N4BP2L2: variants seen among roughly 807,000 people sequenced by gnomAD.
N4BP2L2 encodes the protein NEDD4 binding protein 2 like 2.
Under a neutral mutation model 56.2 loss-of-function variants are expected in N4BP2L2, and 50 were observed. The ratio of observed to expected loss-of-function variants is 0.89; its 90% CI spans 0.71 to 1.13. The LOEUF is 1.13. N4BP2L2 is among the 50% of genes most tolerant of loss of function. The probability of loss-of-function intolerance (pLI) is 0.00; values close to 1 mark genes in which losing one functional copy is unlikely to be tolerated. For missense variants in N4BP2L2, 689 were observed against 693.8 expected (o/e 0.99, Z 0.08); for synonymous variants, 203 against 223.6 (o/e 0.91, Z 0.82).
At chr13:32,501,681 G>C (rs573812796) in intron 6 of N4BP2L2, among the ~76,000 whole-genome samples, 7 of 151,982 alleles carry the variant, frequency 4.6e-5, no homozygotes, top group South Asian at 2.1e-4. Context: ...CGGGAGTGGT[G>C]GTGGGCACCC....
downstream of N4BP2L2, chr13:32,508,139 C>T (rs570091147): frequency 2.0e-5 from 3 of 152,006 alleles, no homozygotes; most frequent in Non-Finnish European, 2.9e-5. Context: ...GAATAATGCC[C>T]GTAAATACAG....
At chr13:32,452,063 C>CTTTTTTT (rs755677854) in intron 6 of N4BP2L2, among the ~76,000 whole-genome samples, 1 of 60,684 alleles carries the variant, frequency 1.6e-5, no homozygotes, top group Non-Finnish European at 4.9e-5. Context: ...TTTTCTTTTT[C>CTTTTTTT]TTTTTTTTTT....
At chr13:32,458,404 A>C (rs1407424729) in intron 6 of N4BP2L2, among the ~76,000 whole-genome samples, 1 of 152,280 alleles carries the variant, frequency 6.6e-6, no homozygotes, top group African/African-American at 2.4e-5. Context: ...TGCTGCCTAC[A>C]AGAAACTCAT....
chr13:32,437,653 C>T (rs574534383), intron 8 of N4BP2L2, among the ~76,000 whole-genome samples: 8 of 152,310 alleles, frequency 5.3e-5, no homozygotes, highest in Non-Finnish European at 1.2e-4. Context: ...CAGATCACAA[C>T]AATAGGAAGG....
chr13:32,499,575 A>G (rs1682152880), intron 6 of N4BP2L2, among the ~76,000 whole-genome samples: 1 of 152,184 alleles, frequency 6.6e-6, no homozygotes, highest in South Asian at 2.1e-4. Context: ...TTCAAAGTCA[A>G]TCTCATGAAC....
intron 7 of N4BP2L2, among the ~76,000 whole-genome samples, chr13:32,441,947 G>A (rs1004071232): frequency 6.6e-6 from 1 of 150,826 alleles, no homozygotes; most frequent in Admixed American, 6.6e-5. Context: ...GTGGTGGCGG[G>A]CGCCTGTAGT....
chr13:32,442,063 G>A (rs1487916819), intron 7 of N4BP2L2, among the ~76,000 whole-genome samples: 6 of 152,178 alleles, frequency 3.9e-5, no homozygotes, highest in South Asian at 2.1e-4. Flanking sequence ...GAGACAGAGC[G>A]ATAAATAAAG....
At chr13:32,495,343 G>A (rs1355641412) in intron 6 of N4BP2L2, among the ~76,000 whole-genome samples, 2 of 152,024 alleles carry the variant, frequency 1.3e-5, no homozygotes, top group Non-Finnish European at 2.9e-5. Context: ...TTAAGGACTG[G>A]CACCCTAAAG....
intron 6 of N4BP2L2, among the ~76,000 whole-genome samples, chr13:32,503,958 T>C (rs895256118): frequency 6.6e-6 from 1 of 152,148 alleles, no homozygotes; most frequent in African/African-American, 2.4e-5. Context: ...ATTGCGCCAC[T>C]GCACTCTAGC....
At chr13:32,465,061 G>C (rs897954777) in intron 6 of N4BP2L2, among the ~76,000 whole-genome samples, 3 of 152,014 alleles carry the variant, frequency 2.0e-5, no homozygotes, top group Non-Finnish European at 4.4e-5. Flanking sequence ...CTGCCTTCTG[G>C]TTTCCAGTGA....
chr13:32,479,634 A>G (rs867608947), intron 6 of N4BP2L2, among the ~76,000 whole-genome samples: 7 of 151,474 alleles, frequency 4.6e-5, no homozygotes, highest in Admixed American at 1.3e-4. Context: ...AAAAAAAAAA[A>G]GGATCCCCAA....
intron 6 of N4BP2L2, among the ~76,000 whole-genome samples, chr13:32,462,073 T>C (rs2080204499): frequency 1.3e-5 from 2 of 152,168 alleles, no homozygotes; most frequent in African/African-American, 4.8e-5. Flanking sequence ...CCATATGATC[T>C]AGCAATTCCA....
At chr13:32,534,349 G>A (rs1311330539) in intron 2 of N4BP2L2, among the ~76,000 whole-genome samples, 1 of 151,826 alleles carries the variant, frequency 6.6e-6, no homozygotes, top group Non-Finnish European at 1.5e-5. Context: ...CCAATATGTT[G>A]TCTCAAATCT....
At chr13:32,488,732 ATC>A (rs1317910945) in intron 6 of N4BP2L2, among the ~76,000 whole-genome samples, 2 of 152,200 alleles carry the variant, frequency 1.3e-5, no homozygotes, top group Non-Finnish European at 2.9e-5. Flanking sequence ...CTTTGTGATT[ATC>A]TGTGTGGTGA....
intron 5 of N4BP2L2, among the ~76,000 whole-genome samples, chr13:32,520,338 C>T (rs560700415): frequency 7.6e-5 from 11 of 144,680 alleles, no homozygotes; most frequent in South Asian, 4.3e-4. Context: ...AAGGTGGGGA[C>T]GAGGAAGACG....
intron 6 of N4BP2L2, chr13:32,477,323 A>G (rs1328590590): frequency 9.9e-6 from 2 of 201,668 alleles, no homozygotes; most frequent in Non-Finnish European, 2.0e-5. Flanking sequence ...ACGGCCAAGT[A>G]CAGCATGTGG....
At chr13:32,515,795 T>C (rs1299708624) in exon 6 of N4BP2L2, 1 of 152,080 alleles carries the variant, frequency 6.6e-6, no homozygotes, top group African/African-American at 2.4e-5. Flanking sequence ...GGAGTGCAAG[T>C]GGCGCAATCT....
downstream of N4BP2L2, chr13:32,506,314 T>A (rs1236088281): frequency 6.6e-6 from 1 of 152,170 alleles, no homozygotes; most frequent in Non-Finnish European, 1.5e-5. Flanking sequence ...AAAGGCCCCA[T>A]CTCCAAATAC....
At chr13:32,478,413 C>A in intron 6 of N4BP2L2, 1 of 176,112 alleles carries the variant, frequency 5.7e-6, no homozygotes, top group Non-Finnish European at 1.2e-5. Context: ...TATAATCTAC[C>A]AGGCTTCCTC....
Sources: gnomAD v4.1 joint callset for allele counts (sites outside exome capture counted in the v4.1 genomes callset) on GRCh38, gnomAD v4.1.1 for gene constraint, MANE v1.5 for transcripts, NCBI Gene and HGNC (gene_info 2026-07-23, HGNC 2026-07-21) for gene names.